VPS53: variants seen among roughly 807,000 people sequenced by gnomAD.
The protein encoded by VPS53 is VPS53 subunit of GARP complex, also known as vacuolar protein sorting-associated protein 53 homolog.
A neutral mutation model predicts 107.0 loss-of-function variants in VPS53; 70 were observed. The observed-to-expected ratio is 0.65, with a 90% CI of 0.54 to 0.80. The LOEUF is 0.80. Ranked by LOEUF, VPS53 falls within the 30% of genes least tolerant of loss-of-function variation. The pLI is 0.00. For missense variants in VPS53, 917 were observed against 1,049.4 expected (o/e 0.87, Z 1.74); for synonymous variants, 409 against 393.3 (o/e 1.04, Z -0.47).
intron 7 of VPS53, among the ~76,000 whole-genome samples, chr17:651,728 C>T (rs1364941801): frequency 1.3e-5 from 2 of 152,224 alleles, no homozygotes; most frequent in Admixed American, 6.5e-5. Context: ...ACAACGCCTT[C>T]ATTTCTTCTT....
chr17:684,207 C>T (rs1408929577), intron 4 of VPS53, among the ~76,000 whole-genome samples: 4 of 152,188 alleles, frequency 2.6e-5, no homozygotes, highest in Non-Finnish European at 5.9e-5. Flanking sequence ...TTCACTTTCA[C>T]CAGTTTTATT....
In VPS53 at chr17:521,683, C is replaced by T; in HGVS notation, c.2141G>A (p.Ser714Asn). ...GGGTGCCTTCCTCACCACCTGCGAG[C>T]TGATGGAGGGGAGATCGAGCAGGAC... is the stretch of plus-strand genomic sequence containing the variant. Reference protein sequence around the residue: ...KMVLLDLPSISSQVVRKAPAS... With the variant: ...KMVLLDLPSINSQVVRKAPAS... The change falls in exon 20 of 22, where the codon AGC (serine) becomes AAC (asparagine). Residue 714 changes from serine (S) to asparagine (N), a missense_variant. Transcript: ENST00000437048. 6.4e-7 allele frequency: 1 copy of T among 1,550,788 alleles called. No homozygotes were observed. Among genetic ancestry groups the T allele is most frequent in the African/African-American group, 1.4e-5 (1 of 73,114 alleles).
intron 7 of VPS53, among the ~76,000 whole-genome samples, chr17:632,582 T>C (rs1217527542): frequency 6.6e-6 from 1 of 152,182 alleles, no homozygotes; most frequent in Non-Finnish European, 1.5e-5. Flanking sequence ...GTAGTCACCC[T>C]ATTGTTCTAC....
chr17:714,833 C>T lies in VPS53; in HGVS notation c.-124G>A. 2.8e-6 allele frequency: 3 copies of T among 1,065,246 alleles called. No individual in the cohort carries two copies. The South Asian group carries it at 3.9e-5, about 14-fold the overall frequency. The allele number at this position is 1,065,246 out of a possible 1,614,324, so 66.0% of individuals were successfully genotyped here. A position where few individuals can be genotyped will look rare whatever the true frequency, so the allele number is the denominator to read the frequency against. On this transcript the variant is annotated 5_prime_UTR_variant, in exon 1 of 22. Coordinates refer to ENST00000437048, the MANE Select transcript of VPS53 (RefSeq NM_001128159.3). ...CTGGTGAGCCCGGCTCCGTCAGCCG[C>T]TCTGTCAGCCGCTCCGGCACTTCCG...
intron 3 of VPS53, among the ~76,000 whole-genome samples, chr17:698,432 C>CAA (rs1208695389): frequency 7.2e-5 from 7 of 97,256 alleles, no homozygotes; most frequent in South Asian, 3.2e-4. Flanking sequence ...GACTCCATCT[C>CAA]AAAAAAAAAA....
At chr17:681,891 G>A (rs1336523477) in intron 4 of VPS53, among the ~76,000 whole-genome samples, 1 of 152,182 alleles carries the variant, frequency 6.6e-6, no homozygotes, top group African/African-American at 2.4e-5. Context: ...GATGAGGGCA[G>A]ACCCCTTGTG....
At chr17:672,214 A>G (rs909276572) in intron 4 of VPS53, among the ~76,000 whole-genome samples, 5 of 68,374 alleles carry the variant, frequency 7.3e-5, no homozygotes, top group African/African-American at 1.5e-4. Context: ...TCTCTCTCTG[A>G]GCTTTACTCC....
At chr17:621,441 G>T (rs1432224290) in intron 11 of VPS53, among the ~76,000 whole-genome samples, 2 of 151,986 alleles carry the variant, frequency 1.3e-5, no homozygotes. Flanking sequence ...TAGACTTCTG[G>T]TTTAGATGTA....
At chr17:586,199 G>T in intron 13 of VPS53, 71 bp downstream of exon 13, 2 of 1,415,994 alleles carry the variant, frequency 1.4e-6, no homozygotes, top group Non-Finnish European at 2.0e-6. Context: ...GGAGCTGTGC[G>T]CTCCTAAGAC....
chr17:557,097 C>T (rs948395564), intron 15 of VPS53, among the ~76,000 whole-genome samples: 2 of 152,226 alleles, frequency 1.3e-5, no homozygotes, highest in Non-Finnish European at 2.9e-5. Flanking sequence ...AAGTGATCCA[C>T]CCTCCTCAGC....
At chr17:661,742 G>T in intron 5 of VPS53, 67 bp downstream of exon 5, 1 of 1,444,134 alleles carries the variant, frequency 6.9e-7, no homozygotes, top group South Asian at 1.3e-5. Flanking sequence ...CTCATTATTA[G>T]AATGCCTAGA....
At chr17:567,986 G>C (rs1213262371) in intron 13 of VPS53, among the ~76,000 whole-genome samples, 1 of 152,084 alleles carries the variant, frequency 6.6e-6, no homozygotes, top group Admixed American at 6.5e-5. Flanking sequence ...CATGCCCTAG[G>C]AATGAAGACA....
intron 15 of VPS53, among the ~76,000 whole-genome samples, chr17:554,488 C>T (rs1472567869): frequency 6.6e-6 from 1 of 152,224 alleles, no homozygotes; most frequent in Non-Finnish European, 1.5e-5. Context: ...ACTGCAACCT[C>T]TGCCTCCAGG....
At chr17:646,769 A>G (rs1970729794) in intron 7 of VPS53, among the ~76,000 whole-genome samples, 2 of 94,770 alleles carry the variant, frequency 2.1e-5, no homozygotes, top group African/African-American at 3.4e-5. Flanking sequence ...TCTAATCCAC[A>G]CCACTGACTG....
intron 2 of VPS53, among the ~76,000 whole-genome samples, chr17:699,857 A>G (rs150185238): frequency 6.6e-6 from 1 of 152,372 alleles, no homozygotes; most frequent in East Asian, 1.9e-4. Context: ...AAAAAGCCAG[A>G]CACAAGGGGA....
Position 635,082 on chromosome 17 carries a change from A to G in VPS53, c.609-3454T>C, listed in dbSNP as rs571405694. 3.3e-5 allele frequency among the ~76,000 whole-genome samples: 5 copies of G among 152,220 alleles called. No homozygotes were observed. The East Asian group carries it at 7.7e-4, about 23-fold the overall frequency. The stretch of plus-strand genomic sequence containing the variant: ...GTTGTTTCCTGACTTTTTAATGATC[A>G]CCATTCTAACTGGTGTGAGATGGTA... On this transcript the variant is annotated intron_variant, in intron 7 of 21. Transcript: ENST00000437048.
At position 710,593 on chromosome 17, in the gene VPS53, AG is replaced by A; in HGVS notation, c.107del (p.Pro36LeufsTer2). 1.2e-6 allele frequency: 2 copies of A among 1,613,992 alleles called. No individual in the cohort carries two copies. ...AIEQVFPSQD[P>X]LDRADFNAVE... ...CAGCATTGAAATCTGCTCGATCTAG[AG>A]GGTCCTGGCTTGGAAACACCTATAT... is the stretch of plus-strand genomic sequence containing the variant. On this transcript the variant is annotated frameshift_variant, in exon 2 of 22. Transcript: ENST00000437048. LOFTEE classifies it high-confidence loss of function.
intron 4 of VPS53, among the ~76,000 whole-genome samples, chr17:690,433 G>C (rs1181060551): frequency 2.0e-5 from 3 of 152,218 alleles, no homozygotes; most frequent in Non-Finnish European, 2.9e-5. Flanking sequence ...ATGAAAATCC[G>C]GATTTCCGGC....
At chr17:596,545 G>A (rs756046667) in intron 12 of VPS53, among the ~76,000 whole-genome samples, 42 of 152,308 alleles carry the variant, frequency 2.8e-4, no homozygotes, top group Middle Eastern at 3.4e-3. Flanking sequence ...AGGGACCCTT[G>A]ACCCTGCCAC....
Sources: allele counts gnomAD v4.1 joint callset (sites outside exome capture counted in the v4.1 genomes callset), GRCh38; gene constraint gnomAD v4.1.1; transcripts MANE v1.5; gene names NCBI Gene and HGNC (gene_info 2026-07-23, HGNC 2026-07-21).